Variants in TRIM16 observed in about 807,000 individuals in gnomAD.
TRIM16 encodes the protein tripartite motif containing 16.
Under a neutral mutation model 50.4 loss-of-function variants are expected in TRIM16, and 33 were observed. That is an observed-to-expected ratio of 0.65 (90% CI 0.50 to 0.88). The LOEUF is 0.88. TRIM16 is among the 40% of genes least tolerant of loss of function. TRIM16 has a pLI of 0.00. For synonymous variants in TRIM16, 229 were observed against 270.7 expected, an observed-to-expected ratio of 0.85 and a Z score of 1.51; for missense variants, 581 against 686.8, an observed-to-expected ratio of 0.85 and a Z score of 1.72.
At chr17:15,637,251 C>A (rs1986830300) in intron 8 of TRIM16, among the ~76,000 whole-genome samples, 5 of 130,624 alleles carry the variant, frequency 3.8e-5, no homozygotes, top group Admixed American at 7.2e-5. Context: ...GCCAGCCGCC[C>A]CGTCCGGGAG....
At chr17:15,639,713 C>T (rs2150907061) in intron 8 of TRIM16, among the ~76,000 whole-genome samples, 1 of 149,776 alleles carries the variant, frequency 6.7e-6, no homozygotes, top group Middle Eastern at 3.4e-3. Context: ...AGGAGGCAGG[C>T]AGAGAATGGG....
Position 15,682,840 on chromosome 17 carries a change from C to A in TRIM16, c.-679+14G>T. 1 of 1,421,444 alleles carries A rather than the reference C, an allele frequency of 7.0e-7. No homozygotes were observed. The highest frequency in any genetic ancestry group is 1.6e-5 in the South Asian group (1 of 63,228). The allele number at this position is 1,421,444 out of a possible 1,614,324, so 88.1% of individuals were successfully genotyped here. On this transcript the variant is annotated intron_variant, in intron 3 of 11. Transcript: ENST00000649191. Reference sequence around the variant, plus strand: ...GAATATTAGTAAAATCACCACCATTCTTCGCACACTCACCACGCACCAGGT... The same window carrying A: ...GAATATTAGTAAAATCACCACCATTATTCGCACACTCACCACGCACCAGGT...
At chr17:15,681,663 C>A (rs1989188617) in intron 3 of TRIM16, among the ~76,000 whole-genome samples, 2 of 152,136 alleles carry the variant, frequency 1.3e-5, no homozygotes, top group African/African-American at 4.8e-5. Context: ...GATTTTTTTG[C>A]CTGTAGGGAG....
chr17:15,631,203 A>G (rs1019448568), intron 11 of TRIM16, among the ~76,000 whole-genome samples: 5 of 152,250 alleles, frequency 3.3e-5, no homozygotes, highest in African/African-American at 1.2e-4. Flanking sequence ...GACTAAGAAG[A>G]CATGGAAACA....
intron 6 of TRIM16, among the ~76,000 whole-genome samples, chr17:15,654,751 TTCCCCCTGCACAGATC>T (rs1361711455): frequency 6.6e-6 from 1 of 152,214 alleles, no homozygotes; most frequent in Non-Finnish European, 1.5e-5. Context: ...TGTAATATGC[TTCCCCCTGCACAGATC>T]TCCCCCTGCC....
intron 6 of TRIM16, among the ~76,000 whole-genome samples, chr17:15,661,693 C>T (rs1212500926): frequency 6.6e-6 from 1 of 152,204 alleles, no homozygotes; most frequent in Non-Finnish European, 1.5e-5. Flanking sequence ...ATGTGTCCCT[C>T]TAATGTTACT....
At chr17:15,660,982 A>G (rs1194111226) in intron 6 of TRIM16, among the ~76,000 whole-genome samples, 3 of 151,738 alleles carry the variant, frequency 2.0e-5, no homozygotes, top group Non-Finnish European at 4.4e-5. Flanking sequence ...TGTCAAGAGT[A>G]TTTTAGTAGG....
chr17:15,638,258 T>TTAAAAAA (rs980557581), intron 8 of TRIM16, among the ~76,000 whole-genome samples: 7 of 115,080 alleles, frequency 6.1e-5, no homozygotes, highest in African/African-American at 2.1e-4. Context: ...AAAATAAATT[T>TTAAAAAA]AAAAAAAAAA....
chr17:15,638,915 G>A (rs1342341215), intron 8 of TRIM16, among the ~76,000 whole-genome samples: 2 of 147,026 alleles, frequency 1.4e-5, no homozygotes, highest in Non-Finnish European at 3.0e-5. Context: ...TTCACTCCAC[G>A]AGAATGGTCT....
intron 7 of TRIM16, among the ~76,000 whole-genome samples, chr17:15,648,657 G>A (rs757308207): frequency 2.6e-5 from 4 of 152,154 alleles, no homozygotes; most frequent in African/African-American, 4.8e-5. Flanking sequence ...CTGGGCTTCC[G>A]GAGCCTTAGT....
At chr17:15,645,057 G>A (rs1219351308) in intron 7 of TRIM16, among the ~76,000 whole-genome samples, 3 of 152,082 alleles carry the variant, frequency 2.0e-5, no homozygotes, top group South Asian at 4.1e-4. Context: ...CTTGTGATCC[G>A]CCTGCCTTGG....
chr17:15,653,308 G>A (rs555717492), intron 6 of TRIM16, among the ~76,000 whole-genome samples: 114 of 152,234 alleles, frequency 7.5e-4, no homozygotes, highest in Middle Eastern at 3.4e-3. Context: ...CTGCAAAACC[G>A]TGAGCCAAAA....
At chr17:15,639,925 G>A (rs1167461791) in intron 8 of TRIM16, among the ~76,000 whole-genome samples, 1 of 149,232 alleles carries the variant, frequency 6.7e-6, no homozygotes, top group Non-Finnish European at 1.5e-5. Context: ...TCTGCTGCTA[G>A]CCTGGTCACT....
At chr17:15,637,051 T>C (rs28576720) in intron 8 of TRIM16, among the ~76,000 whole-genome samples, 17,400 of 126,318 alleles carry the variant, frequency 0.14, 3,962 homozygotes, top group African/African-American at 0.43. Context: ...CTCCGCCCGG[T>C]AGCCACCCCA....
At chr17:15,638,925 T>C (rs1453194582) in intron 8 of TRIM16, among the ~76,000 whole-genome samples, 1 of 146,758 alleles carries the variant, frequency 6.8e-6, no homozygotes, top group Non-Finnish European at 1.5e-5. Context: ...GAGAATGGTC[T>C]CTGATCAGTC....
Position 15,681,792 on chromosome 17 carries a change from T to C in TRIM16, c.-678-839A>G, listed in dbSNP as rs544459005. On this transcript the variant is annotated intron_variant, in intron 3 of 11. Transcript: ENST00000649191. ...TATATTTTCCTAATATTTTACAGTT[T>C]ATTATTTCTTCAATCCTCTCTCCAC... Among the ~76,000 whole-genome samples the C allele has an allele frequency of 3.3e-5, 5 of 152,416 alleles. No homozygotes were observed. The South Asian group carries it at 8.3e-4, about 25-fold the overall frequency.
intron 7 of TRIM16, among the ~76,000 whole-genome samples, chr17:15,650,735 A>T (rs1216118888): frequency 6.6e-6 from 1 of 152,140 alleles, no homozygotes; most frequent in Non-Finnish European, 1.5e-5. Flanking sequence ...AGCCACAGGG[A>T]CATATCACCG....
At chr17:15,656,938 A>T (rs895467081) in intron 6 of TRIM16, among the ~76,000 whole-genome samples, 1 of 151,770 alleles carries the variant, frequency 6.6e-6, no homozygotes, top group Admixed American at 6.6e-5. Context: ...GTAAGTTTTT[A>T]AATTTTTTGT....
chr17:15,671,675 T>C (rs1163922097), intron 6 of TRIM16, among the ~76,000 whole-genome samples: 2 of 152,142 alleles, frequency 1.3e-5, no homozygotes, highest in Admixed American at 6.5e-5. Flanking sequence ...TAAACAAAGA[T>C]AGGTTTCCCT....
Sources: allele counts gnomAD v4.1 joint callset (sites outside exome capture counted in the v4.1 genomes callset), GRCh38; gene constraint gnomAD v4.1.1; transcripts MANE v1.5; gene names NCBI Gene and HGNC (gene_info 2026-07-23, HGNC 2026-07-21).